NNT: variants seen among roughly 807,000 people sequenced by gnomAD.
The protein encoded by NNT is nicotinamide nucleotide transhydrogenase.
Under a neutral mutation model 104.8 loss-of-function variants are expected in NNT, and 50 were observed. That is an observed-to-expected ratio of 0.48 (90% CI 0.38 to 0.60). The LOEUF is 0.60. Among genes scored for constraint, NNT ranks in the 20% least tolerant of loss-of-function variants. The pLI is 0.00. For synonymous variants in NNT, 461 were observed against 490.4 expected (o/e 0.94, Z 0.79); for missense variants, 1,131 against 1,330.7 (o/e 0.85, Z 2.33).
At chr5:43,663,698 C>T (rs1443212734) in intron 17 of NNT, among the ~76,000 whole-genome samples, 7 of 152,118 alleles carry the variant, frequency 4.6e-5, no homozygotes, top group African/African-American at 1.7e-4. Context: ...AGGCATTATG[C>T]TGGGTGCTTT....
intron 21 of NNT, among the ~76,000 whole-genome samples, chr5:43,703,011 C>T (rs937340935): frequency 2.0e-5 from 3 of 152,134 alleles, no homozygotes; most frequent in African/African-American, 7.2e-5. Context: ...GAGCTGTGAG[C>T]TTTTGTAATG....
chr5:43,649,125 ACTCTTTACT>A lies in NNT; in HGVS notation c.1445-15_1445-7del. 1 of 1,612,602 alleles carries A rather than the reference ACTCTTTACT, an allele frequency of 6.2e-7. No individual in the cohort carries two copies. The highest frequency in any genetic ancestry group is 8.5e-7 in the Non-Finnish European group (1 of 1,179,202). ...GATAACTGGATGTCAGCTCAAACAC[ACTCTTTACT>A]CTCTTTCTCTAGGTCTCACAGGGAT... On this transcript the variant is annotated splice_polypyrimidine_tract_variant and intron_variant, in intron 10 of 21. Coordinates refer to ENST00000344920, the MANE Select transcript of NNT (RefSeq NM_182977.3).
At chr5:43,623,570 C>A (rs112086065) in intron 5 of NNT, among the ~76,000 whole-genome samples, 10 of 152,260 alleles carry the variant, frequency 6.6e-5, no homozygotes, top group African/African-American at 2.4e-4. Context: ...GTAGATGTTT[C>A]ACCAATGTTG....
Position 43,706,431 on chromosome 5 carries a change from T to C in NNT, c.*2027T>C, listed in dbSNP as rs1743095498. ...CTTTATGATATTTAAGTATAAATAA[T>C]TAAAAAAATTTATTGTACCTTATAG... On this transcript the variant is annotated 3_prime_UTR_variant, in exon 22 of 22. Transcript: ENST00000344920. 1 of 151,982 alleles carries C rather than the reference T, an allele frequency of 6.6e-6. No individual in the cohort carries two copies. The highest frequency in any genetic ancestry group is 2.1e-4 in the South Asian group (1 of 4,816). 9.4% of individuals were successfully genotyped at this position (151,982 alleles called of 1,614,324 possible). A position where few individuals can be genotyped will look rare whatever the true frequency, so the allele number is the denominator to read the frequency against.
At chr5:43,640,634 C>T (rs1751181057) in intron 7 of NNT, among the ~76,000 whole-genome samples, 1 of 151,834 alleles carries the variant, frequency 6.6e-6, no homozygotes, top group Admixed American at 6.6e-5. Flanking sequence ...CCTGTGATCT[C>T]TCCACATCAT....
intron 6 of NNT, among the ~76,000 whole-genome samples, 193 bp downstream of exon 6, chr5:43,624,313 G>A (rs1467358209): frequency 6.6e-6 from 1 of 152,198 alleles, no homozygotes. Context: ...ACAACTCACA[G>A]CTCTGTTTTC....
intron 19 of NNT, among the ~76,000 whole-genome samples, chr5:43,697,705 A>C (rs2112233444): frequency 6.6e-6 from 1 of 152,274 alleles, no homozygotes; most frequent in Non-Finnish European, 1.5e-5. Flanking sequence ...GGAGCAAGTC[A>C]CATCTTATGT....
intron 14 of NNT, 124 bp from the exon 15 acceptor site, chr5:43,655,716 C>A: frequency 2.9e-6 from 2 of 694,574 alleles, no homozygotes; most frequent in Non-Finnish European, 2.5e-6. Flanking sequence ...GAATATTTAG[C>A]CCGTACTAGG....
chr5:43,697,288 A>G (rs1742607993), intron 19 of NNT, among the ~76,000 whole-genome samples: 1 of 152,152 alleles, frequency 6.6e-6, no homozygotes, highest in Admixed American at 6.5e-5. Flanking sequence ...TCTCTTTGCT[A>G]AGACATAACA....
intron 7 of NNT, among the ~76,000 whole-genome samples, chr5:43,641,049 T>A (rs7716562): frequency 1.3e-5 from 2 of 151,992 alleles, no homozygotes; most frequent in Non-Finnish European, 2.9e-5. Context: ...AGAGTTTAAC[T>A]TATGGTATTA....
At chr5:43,674,019 C>CA (rs71610324) in intron 17 of NNT, among the ~76,000 whole-genome samples, 7,408 of 110,892 alleles carry the variant, frequency 0.067, 332 homozygotes, top group East Asian at 0.3. Context: ...GACTCCATCT[C>CA]AAAAAAAAAA....
At chr5:43,634,780 G>A (rs1005742613) in intron 7 of NNT, among the ~76,000 whole-genome samples, 4 of 152,160 alleles carry the variant, frequency 2.6e-5, no homozygotes, top group African/African-American at 9.7e-5. Context: ...AGTGGAAGAT[G>A]CCAAAACTGT....
chr5:43,681,477 C>A (rs754371670), intron 19 of NNT, among the ~76,000 whole-genome samples: 5 of 151,994 alleles, frequency 3.3e-5, no homozygotes, highest in Non-Finnish European at 7.4e-5. Context: ...CAGCTCACTG[C>A]AACCTCTGCC....
In NNT at chr5:43,655,837, C is replaced by A; in HGVS notation, c.2060-3C>A. ...TTAATTTATTTTTGACCTTTCATAA[C>A]AGGATTGACAATTGCCAAACGCATC... On this transcript the variant is annotated splice_region_variant and splice_polypyrimidine_tract_variant and intron_variant, in intron 14 of 21. Coordinates refer to ENST00000344920, the MANE Select transcript of NNT (RefSeq NM_182977.3). The A allele has an allele frequency of 6.2e-7, 1 of 1,609,006 alleles. No homozygotes were observed. The highest frequency in any genetic ancestry group is 8.5e-7 in the Non-Finnish European group (1 of 1,175,368).
At chr5:43,679,628 T>C (rs1741597451) in intron 19 of NNT, among the ~76,000 whole-genome samples, 1 of 152,264 alleles carries the variant, frequency 6.6e-6, no homozygotes, top group Non-Finnish European at 1.5e-5. Flanking sequence ...GTTTCTGATC[T>C]GATTAAAATT....
chr5:43,658,304 C>T (rs1044409271), intron 16 of NNT, among the ~76,000 whole-genome samples: 6 of 152,004 alleles, frequency 3.9e-5, no homozygotes, highest in Admixed American at 3.3e-4. Flanking sequence ...ATGAGTAATA[C>T]ATGAATATGC....
chr5:43,649,706 A>G (rs1234243694), intron 11 of NNT, among the ~76,000 whole-genome samples: 1 of 152,156 alleles, frequency 6.6e-6, no homozygotes, highest in Non-Finnish European at 1.5e-5. Context: ...TAGCAAGGCT[A>G]CAATAGGCCC....
At chr5:43,609,111 G>T in intron 1 of NNT, 32 bp from the exon 2 acceptor site, 1 of 1,015,452 alleles carries the variant, frequency 9.8e-7, no homozygotes, top group Non-Finnish European at 1.5e-6. Context: ...TTTTTTCTTG[G>T]CATATATACA....
At chr5:43,669,287 G>A (rs1325776366) in intron 17 of NNT, among the ~76,000 whole-genome samples, 2 of 152,116 alleles carry the variant, frequency 1.3e-5, no homozygotes, top group South Asian at 2.1e-4. Flanking sequence ...TCTCCTGCCT[G>A]ATTGCCCTGG....
Sources: gnomAD v4.1 joint callset for allele counts (sites outside exome capture counted in the v4.1 genomes callset) on GRCh38, gnomAD v4.1.1 for gene constraint, MANE v1.5 for transcripts, NCBI Gene and HGNC (gene_info 2026-07-23, HGNC 2026-07-21) for gene names.